PCDH15: variants seen among roughly 807,000 people sequenced by gnomAD.
PCDH15 encodes the protein protocadherin related 15, also known as protocadherin-15.
Under a neutral mutation model 178.5 loss-of-function variants are expected in PCDH15, and 129 were observed. That is an observed-to-expected ratio of 0.72 (90% CI 0.63 to 0.84). The LOEUF is 0.84. Among genes scored for constraint, PCDH15 ranks in the 40% least tolerant of loss-of-function variants. The pLI is 0.00. For synonymous variants in PCDH15, 800 were observed against 732.0 expected (o/e 1.09, Z -1.50); for missense variants, 2,230 against 2,099.9 (o/e 1.06, Z -1.21).
At chr10:55,035,566 A>G (rs371241457) in intron 2 of PCDH15, among the ~76,000 whole-genome samples, 18 of 152,288 alleles carry the variant, frequency 1.2e-4, no homozygotes, top group Non-Finnish European at 2.5e-4. Context: ...TTAACTATTC[A>G]TGGTACTCTG....
chr10:55,377,367 T>C (rs1250214089), intron 2 of PCDH15, among the ~76,000 whole-genome samples: 2 of 151,906 alleles, frequency 1.3e-5, no homozygotes, highest in African/African-American at 4.8e-5. Flanking sequence ...ATAAAGTCTA[T>C]CTTATTAAAA....
At chr10:53,823,310 G>C (rs1564540491) in intron 32 of PCDH15, 2 of 1,613,900 alleles carry the variant, frequency 1.2e-6, no homozygotes, top group Non-Finnish European at 1.7e-6. Flanking sequence ...TGTCTTCTGA[G>C]ACTGAGTTAT....
intron 2 of PCDH15, among the ~76,000 whole-genome samples, chr10:55,105,850 T>G (rs1363053815): frequency 6.6e-6 from 1 of 152,098 alleles, no homozygotes; most frequent in East Asian, 1.9e-4. Context: ...AAAAGTGATT[T>G]TTTCTTAAAT....
chr10:54,915,341 T>A (rs973462314), intron 2 of PCDH15, among the ~76,000 whole-genome samples: 33 of 152,194 alleles, frequency 2.2e-4, no homozygotes, highest in Non-Finnish European at 1.2e-4. Context: ...GAATATCAGA[T>A]ATTAATGATG....
At chr10:54,903,979 T>G (rs1010378810) in intron 2 of PCDH15, among the ~76,000 whole-genome samples, 8 of 152,062 alleles carry the variant, frequency 5.3e-5, no homozygotes, top group African/African-American at 1.9e-4. Context: ...ATATTATTAC[T>G]ATTATGGCAC....
chr10:55,273,784 TGAG>T (rs1842512351), intron 1 of PCDH15, among the ~76,000 whole-genome samples: 2 of 152,090 alleles, frequency 1.3e-5, no homozygotes, highest in Admixed American at 1.3e-4. Flanking sequence ...CTCACGTACT[TGAG>T]GAAGAAGAAA....
At chr10:54,194,660 C>T (rs984441612) in intron 11 of PCDH15, among the ~76,000 whole-genome samples, 3 of 144,344 alleles carry the variant, frequency 2.1e-5, no homozygotes, top group African/African-American at 8.6e-5. Flanking sequence ...CTCTATCTAT[C>T]TATCTATCTA....
At chr10:55,319,871 A>G (rs1843842340), upstream of PCDH15, among the ~76,000 whole-genome samples, 1 of 152,068 alleles carries the variant, frequency 6.6e-6, no homozygotes, top group Admixed American at 6.6e-5. Flanking sequence ...AGTGACACCC[A>G]TCTCCCAGGG....
intron 21 of PCDH15, among the ~76,000 whole-genome samples, chr10:53,968,193 CAGG>C (rs1337355044): frequency 1.3e-5 from 2 of 152,178 alleles, no homozygotes; most frequent in African/African-American, 4.8e-5. Flanking sequence ...AACGGCCCAC[CAGG>C]AGATTATATC....
intron 1 of PCDH15, among the ~76,000 whole-genome samples, chr10:55,291,671 A>G (rs1195327127): frequency 6.6e-6 from 1 of 152,194 alleles, no homozygotes; most frequent in Admixed American, 6.6e-5. Context: ...TTGAAGTCAC[A>G]AAAGGGAAAA....
intron 23 of PCDH15, among the ~76,000 whole-genome samples, chr10:53,946,307 C>G (rs549407373): frequency 6.6e-6 from 1 of 152,098 alleles, no homozygotes; most frequent in African/African-American, 2.4e-5. Flanking sequence ...ATCTTCCACA[C>G]GGTGAGAGTT....
At chr10:55,378,887 C>CTCTCTCTA (rs1837462647) in intron 2 of PCDH15, among the ~76,000 whole-genome samples, 1 of 151,166 alleles carries the variant, frequency 6.6e-6, no homozygotes, top group African/African-American at 2.4e-5. Context: ...ATCTCTCTCT[C>CTCTCTCTA]TCTCTCTCTC....
Position 54,073,200 on chromosome 10 carries a change from A to G in PCDH15, c.2091+6131T>C, listed in dbSNP as rs140048743. On this transcript the variant is annotated intron_variant, in intron 17 of 37. Coordinates refer to ENST00000644397, the MANE Select transcript of PCDH15 (RefSeq NM_001384140.1). ...TATATAAATATATATTTTCAAAAATATCAGAAAGTATTTATAGTATACCTG... is the reference window on the plus strand; with the variant it reads ...TATATAAATATATATTTTCAAAAATGTCAGAAAGTATTTATAGTATACCTG... 6.9e-3 allele frequency among the ~76,000 whole-genome samples: 1,035 copies of G among 151,058 alleles called. 9 individuals are homozygous for G. Among genetic ancestry groups the G allele is most frequent in the African/African-American group, 0.024 (988 of 41,320 alleles).
At chr10:55,392,762 G>A (rs1209597371) in intron 2 of PCDH15, among the ~76,000 whole-genome samples, 1 of 151,966 alleles carries the variant, frequency 6.6e-6, no homozygotes, top group African/African-American at 2.4e-5. Context: ...ACATTTTTTA[G>A]ACTGTTTCAT....
chr10:55,024,728 C>T lies in PCDH15; in HGVS notation c.-79-127228G>A, dbSNP rs1439098570. 2.0e-5 allele frequency among the ~76,000 whole-genome samples: 3 copies of T among 152,232 alleles called. No individual in the cohort carries two copies. The East Asian group carries it at 5.8e-4, about 29-fold the overall frequency. On this transcript the variant is annotated intron_variant, in intron 2 of 5. Transcript: ENST00000458638. The stretch of plus-strand genomic sequence containing the variant: ...TCCTTATATTCTTGAAAGCTCATGC[C>T]TAATTGGCATGCATTCCCATCAGCT...
chr10:55,555,459 A>G (rs186690322), intron 2 of PCDH15, among the ~76,000 whole-genome samples: 71 of 152,240 alleles, frequency 4.7e-4, no homozygotes, highest in African/African-American at 1.5e-3. Flanking sequence ...TCCTGCATTT[A>G]TACGGATATC....
chr10:54,813,510 C>A (rs139657990), intron 3 of PCDH15, among the ~76,000 whole-genome samples: 315 of 152,272 alleles, frequency 2.1e-3, no homozygotes, highest in African/African-American at 7.2e-3. Context: ...GAGAGCAGCT[C>A]TTTTTTTGTG....
chr10:54,578,838 G>T (rs1209947759), intron 2 of PCDH15, among the ~76,000 whole-genome samples: 1 of 152,036 alleles, frequency 6.6e-6, no homozygotes, highest in African/African-American at 2.4e-5. Context: ...AAGGGATTAG[G>T]GGCTTATTTT....
intron 1 of PCDH15, among the ~76,000 whole-genome samples, chr10:54,788,887 G>A (rs576579659): frequency 6.6e-6 from 1 of 151,888 alleles, no homozygotes; most frequent in East Asian, 1.9e-4. Context: ...GGGTCATCGA[G>A]TTTGAAGTTG....
Sources: allele counts gnomAD v4.1 joint callset (sites outside exome capture counted in the v4.1 genomes callset), GRCh38; gene constraint gnomAD v4.1.1; transcripts MANE v1.5; gene names NCBI Gene and HGNC (gene_info 2026-07-23, HGNC 2026-07-21).